Variants in SPATA6 observed in about 807,000 individuals in gnomAD.
SPATA6 encodes spermatogenesis-associated protein 6.
Under a neutral mutation model 65.3 loss-of-function variants are expected in SPATA6, and 56 were observed. The ratio of observed to expected loss-of-function variants is 0.86; its 90% confidence interval spans 0.69 to 1.07. The LOEUF (loss-of-function observed/expected upper bound fraction) is 1.07. SPATA6 is among the 50% of genes least tolerant of loss of function. SPATA6 has a pLI of 0.00. For missense variants in SPATA6, 590 were observed against 594.8 expected (o/e 0.99, Z 0.08); for synonymous variants, 199 against 213.2 (o/e 0.93, Z 0.58).
At position 48,316,172 on chromosome 1, in the gene SPATA6, GA is replaced by G. The variant is rs533484230; in HGVS notation, c.1195-10295del. Among the ~76,000 whole-genome samples, 655 of 152,166 alleles carry G rather than the reference GA, an allele frequency of 4.3e-3. 5 individuals are homozygous for G. Among genetic ancestry groups the G allele is most frequent in the African/African-American group, 0.015 (638 of 41,498 alleles). On this transcript the variant is annotated intron_variant, in intron 11 of 12. Transcript: ENST00000371847. ...ACCAGTGACTTTCTTCATAGAATTGGAAAAAACTACTTTAAAGTTCATATGG... is the reference window on the plus strand; with the variant it reads ...ACCAGTGACTTTCTTCATAGAATTGGAAAAACTACTTTAAAGTTCATATGG...
intron 9 of SPATA6, among the ~76,000 whole-genome samples, chr1:48,378,944 T>C (rs979125168): frequency 6.6e-6 from 1 of 152,220 alleles, no homozygotes; most frequent in Non-Finnish European, 1.5e-5. Context: ...TCATTTATTA[T>C]ACAACAACAT....
chr1:48,374,170 T>C (rs959930498), intron 9 of SPATA6, among the ~76,000 whole-genome samples: 3 of 152,142 alleles, frequency 2.0e-5, no homozygotes, highest in African/African-American at 4.8e-5. Context: ...ACAAATATTA[T>C]GAAAGGCAAA....
chr1:48,468,819 T>A (rs1658002031), intron 1 of SPATA6, among the ~76,000 whole-genome samples: 1 of 152,258 alleles, frequency 6.6e-6, no homozygotes, highest in Admixed American at 6.5e-5. Flanking sequence ...TTGAAAAAGT[T>A]AACTATGGAA....
chr1:48,281,080 C>A, the SPATA6 span, among the ~76,000 whole-genome samples: 1 of 152,132 alleles, frequency 6.6e-6, no homozygotes, highest in East Asian at 1.9e-4. Flanking sequence ...CAAAGACAAA[C>A]ACCACATGAT....
chr1:48,330,939 T>C (rs1013184657), intron 11 of SPATA6, among the ~76,000 whole-genome samples: 1 of 151,880 alleles, frequency 6.6e-6, no homozygotes, highest in African/African-American at 2.4e-5. Context: ...ACAAAAGAAA[T>C]GCAGAGAGGA....
chr1:48,388,794 C>T (rs1256564225), intron 8 of SPATA6, among the ~76,000 whole-genome samples: 12 of 151,856 alleles, frequency 7.9e-5, no homozygotes, highest in African/African-American at 1.2e-4. Context: ...CTGCAACCTC[C>T]GCCTCCTGGG....
In SPATA6 at chr1:48,355,757, A is replaced by G; in HGVS notation, c.1107T>C (p.Asp369=). ...CATCGCAGTTTGAAGGTGAACACCA[A>G]TCAGAATGAAATCTGTAGGCAAAAA... ...RASLRERFHS[D]WCSPSNCDEI... The change falls in exon 11 of 13, where the codon GAT becomes GAC. Residue 369 remains aspartate (D), a synonymous_variant. Coordinates refer to ENST00000371847, the MANE Select transcript of SPATA6 (RefSeq NM_019073.4). The G allele has an allele frequency of 1.2e-6, 2 of 1,612,278 alleles. No individual in the cohort carries two copies. Among genetic ancestry groups the G allele is most frequent in the Non-Finnish European group, 1.7e-6 (2 of 1,179,156 alleles).
rs966334780 is a variant in SPATA6 at position 48,355,011 on chromosome 1, C to A, written c.1194+659G>T. ...CCCAAGGTCATATAAACCCCTTATA[C>A]CCCCCCAAGACTAATCTTAGTGTCC... On this transcript the variant is annotated intron_variant, in intron 11 of 12. Coordinates refer to ENST00000371847, the MANE Select transcript of SPATA6 (RefSeq NM_019073.4). 3.3e-5 allele frequency among the ~76,000 whole-genome samples: 5 copies of A among 151,900 alleles called. 1 individual carries two copies. The highest frequency in any genetic ancestry group is 4.2e-4 in the South Asian group (2 of 4,798).
chr1:48,336,180 C>T (rs368106894), intron 11 of SPATA6, among the ~76,000 whole-genome samples: 40 of 152,084 alleles, frequency 2.6e-4, no homozygotes, highest in African/African-American at 9.2e-4. Flanking sequence ...ACACTGCTGG[C>T]TGGAGTGTAA....
At chr1:48,450,700 T>A (rs2148149126) in intron 3 of SPATA6, among the ~76,000 whole-genome samples, 1 of 152,272 alleles carries the variant, frequency 6.6e-6, no homozygotes, top group Non-Finnish European at 1.5e-5. Context: ...GAAGAGTCAC[T>A]AAACTATAAG....
chr1:48,452,916 T>C, intron 2 of SPATA6, 78 bp downstream of exon 2: 1 of 1,493,070 alleles, frequency 6.7e-7, no homozygotes, highest in South Asian at 1.3e-5. Flanking sequence ...TAATAATTTG[T>C]GTTATAGGCT....
At chr1:48,342,610 C>T (rs1570213326) in intron 11 of SPATA6, among the ~76,000 whole-genome samples, 1 of 138,024 alleles carries the variant, frequency 7.2e-6, no homozygotes, top group African/African-American at 2.7e-5. Flanking sequence ...AGCGAGACTC[C>T]ATCTCAAAAA....
chr1:48,382,472 C>T (rs1226640622), intron 9 of SPATA6, among the ~76,000 whole-genome samples: 2 of 125,226 alleles, frequency 1.6e-5, no homozygotes, highest in Admixed American at 7.4e-5. Context: ...CTGTCCCCCC[C>T]ACCTCCCTCC....
At chr1:48,315,623 C>T (rs1380022523) in intron 11 of SPATA6, among the ~76,000 whole-genome samples, 1 of 152,134 alleles carries the variant, frequency 6.6e-6, no homozygotes, top group Non-Finnish European at 1.5e-5. Context: ...CCTTTGAAAA[C>T]TGGCACAAGA....
intron 1 of SPATA6, among the ~76,000 whole-genome samples, chr1:48,464,683 A>G (rs935598884): frequency 2.6e-5 from 4 of 152,364 alleles, no homozygotes; most frequent in South Asian, 2.1e-4. Context: ...GACAGATCAT[A>G]GATAGATATA....
At chr1:48,430,416 C>T (rs1221051255) in intron 3 of SPATA6, among the ~76,000 whole-genome samples, 1 of 151,864 alleles carries the variant, frequency 6.6e-6, no homozygotes, top group African/African-American at 2.4e-5. Flanking sequence ...CTATGATGTC[C>T]CCCGATAAAT....
At chr1:48,371,019 A>G (rs1427361335) in intron 9 of SPATA6, among the ~76,000 whole-genome samples, 1 of 152,252 alleles carries the variant, frequency 6.6e-6, no homozygotes, top group Non-Finnish European at 1.5e-5. Context: ...GGACAGTACA[A>G]GAAAGGATAA....
chr1:48,275,294 A>G, the SPATA6 span, among the ~76,000 whole-genome samples: 1 of 152,200 alleles, frequency 6.6e-6, no homozygotes, highest in Admixed American at 6.5e-5. Flanking sequence ...AAGAGAGACA[A>G]TTTGACTTCC....
chr1:48,290,015 T>A, the SPATA6 span, among the ~76,000 whole-genome samples: 2 of 152,104 alleles, frequency 1.3e-5, no homozygotes, highest in Non-Finnish European at 2.9e-5. Context: ...ACAAAGATAC[T>A]CCTTGAGAAG....
Sources: gnomAD v4.1 joint callset for allele counts (sites outside exome capture counted in the v4.1 genomes callset) on GRCh38, gnomAD v4.1.1 for gene constraint, MANE v1.5 for transcripts, NCBI Gene and HGNC (gene_info 2026-07-23, HGNC 2026-07-21) for gene names.